OXCT1: variants seen among roughly 807,000 people sequenced by gnomAD.
OXCT1 encodes the protein 3-oxoacid CoA-transferase 1.
A neutral mutation model predicts 69.6 loss-of-function variants in OXCT1; 27 were observed. That is an observed-to-expected ratio of 0.39 (90% CI 0.29 to 0.54). The LOEUF is 0.54. OXCT1 is among the 20% of genes least tolerant of loss of function. The pLI, the probability that OXCT1 is intolerant of heterozygous loss-of-function variation, is 0.72. For synonymous variants in OXCT1, 202 were observed against 217.8 expected (o/e 0.93, Z 0.64); for missense variants, 437 against 650.2 (o/e 0.67, Z 3.57).
intron 16 of OXCT1, among the ~76,000 whole-genome samples, chr5:41,736,983 T>C (rs749088346): frequency 3.7e-4 from 56 of 152,244 alleles, no homozygotes; most frequent in Non-Finnish European, 5.3e-4. Flanking sequence ...CAATGTACTT[T>C]TGTAATTAAA....
At chr5:41,790,210 G>T (rs1338413555) in intron 13 of OXCT1, among the ~76,000 whole-genome samples, 1 of 152,160 alleles carries the variant, frequency 6.6e-6, no homozygotes, top group East Asian at 1.9e-4. Flanking sequence ...TCAATAACCA[G>T]CTCTCATAGC....
intron 7 of OXCT1, among the ~76,000 whole-genome samples, chr5:41,807,932 G>C (rs566075012): frequency 1.3e-5 from 2 of 152,102 alleles, no homozygotes; most frequent in South Asian, 2.1e-4. Context: ...AATTATTCTT[G>C]TTAGCTTCCT....
chr5:41,787,954 C>T (rs1344696388), intron 13 of OXCT1, among the ~76,000 whole-genome samples: 1 of 151,868 alleles, frequency 6.6e-6, no homozygotes, highest in African/African-American at 2.4e-5. Flanking sequence ...GATCTCTGCA[C>T]AGAAAAAGTG....
chr5:41,757,182 A>T (rs1744119976), intron 14 of OXCT1, among the ~76,000 whole-genome samples: 1 of 152,024 alleles, frequency 6.6e-6, no homozygotes, highest in South Asian at 2.1e-4. Context: ...GTGTGAGTAT[A>T]TTTTTTCCCA....
At chr5:41,774,668 G>A (rs1034960741) in intron 13 of OXCT1, among the ~76,000 whole-genome samples, 2 of 152,168 alleles carry the variant, frequency 1.3e-5, no homozygotes, top group African/African-American at 2.4e-5. Flanking sequence ...AGTGGAGGCA[G>A]GTGGATCACG....
At chr5:41,751,165 C>G (rs529979732) in intron 14 of OXCT1, among the ~76,000 whole-genome samples, 102 of 152,192 alleles carry the variant, frequency 6.7e-4, no homozygotes, top group African/African-American at 2.5e-3. Flanking sequence ...ATTCGAACTT[C>G]TACAGTTGTC....
At chr5:41,789,638 T>C (rs957189642) in intron 13 of OXCT1, among the ~76,000 whole-genome samples, 3 of 152,202 alleles carry the variant, frequency 2.0e-5, no homozygotes, top group African/African-American at 7.2e-5. Flanking sequence ...TACATTACAC[T>C]AATAAGACAA....
intron 11 of OXCT1, among the ~76,000 whole-genome samples, chr5:41,797,255 A>C (rs1466047831): frequency 6.6e-6 from 1 of 152,210 alleles, no homozygotes; most frequent in Non-Finnish European, 1.5e-5. Flanking sequence ...AGAGCTTTGG[A>C]TCTCCCTATA....
intron 13 of OXCT1, among the ~76,000 whole-genome samples, chr5:41,793,651 AC>A (rs1255050383): frequency 1.3e-5 from 2 of 152,198 alleles, no homozygotes; most frequent in African/African-American, 4.8e-5. Flanking sequence ...ACGCTAACAA[AC>A]TTGTTAATTG....
At chr5:41,860,392 G>T (rs1230715114) in intron 3 of OXCT1, among the ~76,000 whole-genome samples, 3 of 152,108 alleles carry the variant, frequency 2.0e-5, no homozygotes, top group Non-Finnish European at 4.4e-5. Flanking sequence ...AAAGGGGCAA[G>T]ATCAATAAAG....
intron 7 of OXCT1, among the ~76,000 whole-genome samples, chr5:41,838,836 G>A (rs1302012563): frequency 2.0e-5 from 3 of 152,078 alleles, no homozygotes; most frequent in Non-Finnish European, 2.9e-5. Context: ...TGAACATCTA[G>A]GCTCAAGCGA....
chr5:41,762,759 AC>A lies in OXCT1; in HGVS notation c.1249-560del, dbSNP rs1373093377. On this transcript the variant is annotated intron_variant, in intron 13 of 16. Coordinates refer to ENST00000196371, the MANE Select transcript of OXCT1 (RefSeq NM_000436.4). The surrounding 1 kb of genome is among the most constrained non-coding windows in gnomAD (Gnocchi z 4.0). ...TGCGCTTAGAAAAATAAAATAAAAA[AC>A]ATTCTTGCTAAGCAAAAACAGAACA... is the stretch of plus-strand genomic sequence containing the variant. 6.6e-6 allele frequency among the ~76,000 whole-genome samples: 1 copy of A among 152,144 alleles called. No homozygotes were observed. Among genetic ancestry groups the A allele is most frequent in the Non-Finnish European group, 1.5e-5 (1 of 68,014 alleles).
At chr5:41,863,074 A>G (rs985745901) in intron 1 of OXCT1, among the ~76,000 whole-genome samples, 1 of 152,198 alleles carries the variant, frequency 6.6e-6, no homozygotes, top group South Asian at 2.1e-4. Flanking sequence ...CTTTTATTAC[A>G]GTATATTGTT....
intron 3 of OXCT1, among the ~76,000 whole-genome samples, chr5:41,856,786 T>A (rs375459109): frequency 1.3e-5 from 2 of 152,082 alleles, no homozygotes; most frequent in African/African-American, 2.4e-5. Flanking sequence ...TTTTCAAGAG[T>A]GTACTTTTGA....
At chr5:41,752,090 A>C (rs914301179) in intron 14 of OXCT1, among the ~76,000 whole-genome samples, 3 of 152,162 alleles carry the variant, frequency 2.0e-5, no homozygotes, top group Non-Finnish European at 2.9e-5. Flanking sequence ...CAAAGGAGGA[A>C]CAAGTGCTGA....
At chr5:41,782,753 G>T (rs541599056) in intron 13 of OXCT1, among the ~76,000 whole-genome samples, 75 of 152,310 alleles carry the variant, frequency 4.9e-4, no homozygotes, top group African/African-American at 1.7e-3. Context: ...ATATTTGAAA[G>T]AAACATGGAA....
At chr5:41,867,123 T>C (rs1750024659) in intron 1 of OXCT1, among the ~76,000 whole-genome samples, 1 of 151,816 alleles carries the variant, frequency 6.6e-6, no homozygotes, top group Admixed American at 6.6e-5. Flanking sequence ...GAACAAGTAG[T>C]ATTTGGTTAC....
intron 13 of OXCT1, among the ~76,000 whole-genome samples, chr5:41,764,768 G>A (rs1210786112): frequency 6.6e-6 from 1 of 152,154 alleles, no homozygotes; most frequent in African/African-American, 2.4e-5. Context: ...CACTGAGGAT[G>A]CAACTGCTAA....
chr5:41,748,759 G>T lies in OXCT1; in HGVS notation c.1419+768C>A, dbSNP rs982655300. 9.2e-5 allele frequency among the ~76,000 whole-genome samples: 14 copies of T among 152,116 alleles called. No individual in the cohort carries two copies. The East Asian group carries it at 9.7e-4, about 11-fold the overall frequency. ...GTCAGATTAATGCCAAGACACTAAT[G>T]CTATTGTTCTTGGCAAATGGAACAG... On this transcript the variant is annotated intron_variant, in intron 15 of 16. Transcript: ENST00000196371.
Sources: allele counts gnomAD v4.1 joint callset (sites outside exome capture counted in the v4.1 genomes callset), GRCh38; gene constraint gnomAD v4.1.1; non-coding constraint Gnocchi (gnomAD v3.1); transcripts MANE v1.5; gene names NCBI Gene and HGNC (gene_info 2026-07-23, HGNC 2026-07-21).